The following ROR1 variants were observed in gnomAD, a reference collection of about 807,000 sequenced individuals.
ROR1 encodes inactive tyrosine-protein kinase transmembrane receptor ROR1.
A neutral mutation model predicts 78.8 loss-of-function variants in ROR1; 19 were observed. The ratio of observed to expected loss-of-function variants is 0.24; its 90% CI spans 0.17 to 0.35. The LOEUF is 0.35. Ranked by LOEUF, ROR1 falls within the 10% of genes least tolerant of loss-of-function variation. The pLI, the probability that ROR1 is intolerant of heterozygous loss-of-function variation, is 1.00. For synonymous variants in ROR1, 386 were observed against 433.6 expected (o/e 0.89, Z 1.36); for missense variants, 917 against 1,177.8 (o/e 0.78, Z 3.24).
At chr1:64,055,161 C>T (rs543109314) in intron 4 of ROR1, among the ~76,000 whole-genome samples, 1 of 152,294 alleles carries the variant, frequency 6.6e-6, no homozygotes, top group Non-Finnish European at 1.5e-5. Context: ...CAACCCATAA[C>T]ACTTGATATT....
chr1:64,050,303 G>T (rs556332494), intron 3 of ROR1, among the ~76,000 whole-genome samples: 1 of 152,116 alleles, frequency 6.6e-6, no homozygotes, highest in East Asian at 1.9e-4. Context: ...GGAAATGTTC[G>T]CAGCGTGCAT....
At chr1:63,869,111 C>T (rs917618464) in intron 1 of ROR1, among the ~76,000 whole-genome samples, 1 of 152,172 alleles carries the variant, frequency 6.6e-6, no homozygotes, top group African/African-American at 2.4e-5. Flanking sequence ...CTTCCAATTC[C>T]TTGTTAGGAT....
At chr1:64,052,112 A>T (rs1646837906) in intron 4 of ROR1, among the ~76,000 whole-genome samples, 1 of 152,172 alleles carries the variant, frequency 6.6e-6, no homozygotes, top group Admixed American at 6.5e-5. Flanking sequence ...TTGCCCAGGT[A>T]GAAAATGCTG....
chr1:63,908,677 A>T (rs998608770), intron 1 of ROR1, among the ~76,000 whole-genome samples: 1 of 152,194 alleles, frequency 6.6e-6, no homozygotes. Context: ...ATCTCCCCTG[A>T]TAGGCTTATC....
At chr1:64,137,230 CA>C in intron 4 of ROR1, 138 bp from the exon 5 acceptor site, 1 of 770,102 alleles carries the variant, frequency 1.3e-6, no homozygotes, top group Non-Finnish European at 2.0e-6. Context: ...AGCAAAAGCC[CA>C]ATTCCTTAGC....
intron 1 of ROR1, among the ~76,000 whole-genome samples, chr1:63,782,231 C>T (rs12726842): frequency 0.17 from 25,488 of 152,064 alleles, 2,665 homozygotes; most frequent in African/African-American, 0.3. Context: ...CCATCTCTTC[C>T]GGTCATATGA....
chr1:64,106,882 A>G (rs1007876426), intron 4 of ROR1: 5 of 152,148 alleles, frequency 3.3e-5, no homozygotes, highest in Non-Finnish European at 7.4e-5. Flanking sequence ...CTTTTGTTTC[A>G]CTTTGTTTTC....
At chr1:64,149,019 A>C (rs1222523315) in intron 7 of ROR1, among the ~76,000 whole-genome samples, 1 of 152,020 alleles carries the variant, frequency 6.6e-6, no homozygotes, top group Non-Finnish European at 1.5e-5. Context: ...AGATGGAAAA[A>C]AAAATATGAA....
At chr1:64,144,481 A>G (rs1179144259) in intron 7 of ROR1, among the ~76,000 whole-genome samples, 1 of 152,194 alleles carries the variant, frequency 6.6e-6, no homozygotes, top group African/African-American at 2.4e-5. Flanking sequence ...CTAGCTTTAG[A>G]CTCTGGGTCA....
chr1:63,927,988 T>C (rs1466372692), intron 1 of ROR1, among the ~76,000 whole-genome samples: 1 of 147,286 alleles, frequency 6.8e-6, no homozygotes, highest in Non-Finnish European at 1.5e-5. Context: ...CCAGCCAGCC[T>C]AATGATTTGG....
At chr1:63,828,206 A>C (rs1644966939) in intron 1 of ROR1, among the ~76,000 whole-genome samples, 1 of 152,184 alleles carries the variant, frequency 6.6e-6, no homozygotes, top group Non-Finnish European at 1.5e-5. Context: ...ATGTGAATGC[A>C]ATTAGTAGCG....
chr1:64,033,943 A>AC (rs1646680807), intron 2 of ROR1, among the ~76,000 whole-genome samples: 1 of 152,138 alleles, frequency 6.6e-6, no homozygotes, highest in Non-Finnish European at 1.5e-5. Flanking sequence ...ACCCAGGTCC[A>AC]CCCATCTCTT....
intron 7 of ROR1, among the ~76,000 whole-genome samples, chr1:64,151,299 C>G (rs1649614594): frequency 6.6e-6 from 1 of 152,122 alleles, no homozygotes; most frequent in South Asian, 2.1e-4. Context: ...GGGATATAGT[C>G]AACCCTCAGC....
chr1:63,884,625 ATATT>A (rs1173762534), intron 1 of ROR1, among the ~76,000 whole-genome samples: 7 of 152,166 alleles, frequency 4.6e-5, no homozygotes, highest in African/African-American at 1.7e-4. Context: ...TTAAATGAAT[ATATT>A]TATTTATTCA....
At chr1:64,159,234 C>G in intron 8 of ROR1, 42 bp downstream of exon 8, 1 of 1,424,568 alleles carries the variant, frequency 7.0e-7, no homozygotes. Flanking sequence ...CCGTGGGCTT[C>G]AAGTTAAAGC....
chr1:64,167,088 C>A (rs1019367457), intron 8 of ROR1, among the ~76,000 whole-genome samples: 1 of 152,198 alleles, frequency 6.6e-6, no homozygotes, highest in Non-Finnish European at 1.5e-5. Flanking sequence ...TATTAAGTGA[C>A]AGAGCCAAAC....
intron 1 of ROR1, among the ~76,000 whole-genome samples, chr1:63,964,693 A>G (rs1646059320): frequency 6.6e-6 from 1 of 152,220 alleles, no homozygotes; most frequent in Non-Finnish European, 1.5e-5. Flanking sequence ...GGGCTTTTCA[A>G]AGAAAGCCCA....
intron 1 of ROR1, among the ~76,000 whole-genome samples, chr1:63,925,583 C>T (rs376524026): frequency 6.6e-5 from 10 of 152,130 alleles, no homozygotes; most frequent in African/African-American, 1.7e-4. Flanking sequence ...CCTGAGGAAT[C>T]GCCACACTGA....
At chr1:64,115,356 C>T (rs1648278713) in intron 4 of ROR1, among the ~76,000 whole-genome samples, 1 of 152,152 alleles carries the variant, frequency 6.6e-6, no homozygotes, top group African/African-American at 2.4e-5. Flanking sequence ...GCTGGGGCTA[C>T]AGGCACATGC....
Sources: gnomAD v4.1 joint callset for allele counts (sites outside exome capture counted in the v4.1 genomes callset) on GRCh38, gnomAD v4.1.1 for gene constraint, MANE v1.5 for transcripts, NCBI Gene and HGNC (gene_info 2026-07-23, HGNC 2026-07-21) for gene names.